Variants in MTR observed in about 807,000 individuals in gnomAD.
MTR encodes methionine synthase.
A neutral mutation model predicts 154.8 loss-of-function variants in MTR; 84 were observed. The ratio of observed to expected loss-of-function variants is 0.54; its 90% CI spans 0.45 to 0.65. The LOEUF is 0.65. Ranked by LOEUF, MTR falls within the 30% of genes least tolerant of loss-of-function variation. MTR has a pLI of 0.00. For synonymous variants in MTR, 554 were observed against 553.9 expected (o/e 1.00, Z 0.00); for missense variants, 1,275 against 1,570.2 (o/e 0.81, Z 3.18).
chr1:236,867,196 G>T (rs2385569), intron 22 of MTR, among the ~76,000 whole-genome samples: 97,617 of 152,004 alleles, frequency 0.64, 31,594 homozygotes, highest in South Asian at 0.7. Context: ...TGACTCTCTT[G>T]TGGAGGGGCT....
At chr1:236,872,513 C>T (rs1475170567) in intron 22 of MTR, among the ~76,000 whole-genome samples, 7 of 152,144 alleles carry the variant, frequency 4.6e-5, no homozygotes, top group Admixed American at 3.3e-4. Flanking sequence ...ACTTCCCTAG[C>T]CCTTTTTATT....
chr1:236,799,988 G>A (rs1660619394), intron 1 of MTR: 1 of 911,908 alleles, frequency 1.1e-6, no homozygotes, highest in Non-Finnish European at 1.3e-6. Context: ...GAATTTGCAT[G>A]TGTGGGGCTG....
chr1:236,888,346 G>A (rs1355253426), intron 27 of MTR, among the ~76,000 whole-genome samples: 1 of 152,210 alleles, frequency 6.6e-6, no homozygotes, highest in Non-Finnish European at 1.5e-5. Flanking sequence ...TGGCAGTGCT[G>A]CTCTACCTGC....
intron 15 of MTR, among the ~76,000 whole-genome samples, chr1:236,848,043 T>C (rs1248137124): frequency 1.3e-5 from 2 of 152,208 alleles, no homozygotes; most frequent in Non-Finnish European, 2.9e-5. Flanking sequence ...CATTGTTTAA[T>C]CAAGTGACAG....
At chr1:236,876,875 T>C (rs1572314780) in intron 24 of MTR, among the ~76,000 whole-genome samples, 1 of 152,310 alleles carries the variant, frequency 6.6e-6, no homozygotes, top group South Asian at 2.1e-4. Context: ...ATATCTATTC[T>C]CATTGTCTGG....
At chr1:236,847,860 AACT>A (rs1663673639) in intron 15 of MTR, among the ~76,000 whole-genome samples, 1 of 152,178 alleles carries the variant, frequency 6.6e-6, no homozygotes, top group African/African-American at 2.4e-5. Context: ...TGTTTTACTG[AACT>A]TCTATTCTGG....
At chr1:236,861,822 ATCTT>A (rs1303988697) in intron 20 of MTR, among the ~76,000 whole-genome samples, 8 of 152,226 alleles carry the variant, frequency 5.3e-5, no homozygotes, top group Non-Finnish European at 8.8e-5. Flanking sequence ...AAAGGCCTTC[ATCTT>A]GCCTTAATGT....
At chr1:236,838,943 T>C (rs548060207) in intron 15 of MTR, among the ~76,000 whole-genome samples, 2 of 152,350 alleles carry the variant, frequency 1.3e-5, no homozygotes, top group Admixed American at 1.3e-4. Context: ...TATAGCATGT[T>C]ACCGTACTGA....
chr1:236,836,208 A>T (rs944055839), intron 14 of MTR, among the ~76,000 whole-genome samples: 1 of 150,576 alleles, frequency 6.6e-6, no homozygotes, highest in Non-Finnish European at 1.5e-5. Flanking sequence ...TTCTAAAATT[A>T]AAAAAAAAAT....
intron 13 of MTR, among the ~76,000 whole-genome samples, chr1:236,832,502 T>C (rs892520474): frequency 1.3e-5 from 2 of 152,208 alleles, no homozygotes; most frequent in Non-Finnish European, 2.9e-5. Context: ...TCTTGTTAGC[T>C]GTAGACTAAA....
At chr1:236,880,929 G>T (rs1271018196) in intron 25 of MTR, 93 bp downstream of exon 25, 1 of 1,274,110 alleles carries the variant, frequency 7.8e-7, no homozygotes, top group Non-Finnish European at 1.1e-6. Context: ...TTTTTATTCA[G>T]TTCTACTAAA....
At chr1:236,796,521 A>T (rs945764746) in intron 1 of MTR, among the ~76,000 whole-genome samples, 1 of 152,190 alleles carries the variant, frequency 6.6e-6, no homozygotes, top group Non-Finnish European at 1.5e-5. Context: ...ATCCTATCAC[A>T]TAGTGGGGAT....
At chr1:236,820,332 T>C in intron 8 of MTR, 2 of 754,580 alleles carry the variant, frequency 2.7e-6, no homozygotes, top group Non-Finnish European at 4.8e-6. Flanking sequence ...AATGGACTGC[T>C]CCAGCTCCCG....
At chr1:236,878,692 C>T (rs757708201) in intron 24 of MTR, among the ~76,000 whole-genome samples, 3 of 152,094 alleles carry the variant, frequency 2.0e-5, no homozygotes, top group Non-Finnish European at 4.4e-5. Flanking sequence ...TCCTGAGCTG[C>T]ATGTTGGACA....
intron 21 of MTR, among the ~76,000 whole-genome samples, chr1:236,862,683 G>T (rs192793770): frequency 6.6e-6 from 1 of 152,282 alleles, no homozygotes. Flanking sequence ...TCACTCAAAG[G>T]TCTGTCCCCG....
intron 12 of MTR, 94 bp downstream of exon 12, chr1:236,829,362 C>A: frequency 9.7e-7 from 1 of 1,027,494 alleles, no homozygotes; most frequent in Non-Finnish European, 1.5e-6. Context: ...AGGCAGCTTG[C>A]TTATTAGGTC....
intron 15 of MTR, among the ~76,000 whole-genome samples, chr1:236,842,059 T>G (rs1440395380): frequency 6.6e-6 from 1 of 152,128 alleles, no homozygotes; most frequent in African/African-American, 2.4e-5. Flanking sequence ...ACTCGGCTAA[T>G]TTTTTGTATT....
In MTR at chr1:236,894,582, G is replaced by A. The variant is rs2297964; in HGVS notation, c.3405+25G>A. ...GGTAAGGCAGAGGCATTGCGCCGAG[G>A]GGCTGAGGACAGAGGCCAGGCAGTA... is the stretch of plus-strand genomic sequence containing the variant. On this transcript the variant is annotated intron_variant, in intron 30 of 32. Coordinates refer to ENST00000366577, the MANE Select transcript of MTR (RefSeq NM_000254.3). 0.029 allele frequency: 46,835 copies of A among 1,613,324 alleles called. 1,856 individuals carry two copies. Among genetic ancestry groups the A allele is most frequent in the African/African-American group, 0.13 (10,012 of 74,970 alleles).
At chr1:236,821,523 A>G (rs1047191973) in intron 8 of MTR, among the ~76,000 whole-genome samples, 1 of 152,150 alleles carries the variant, frequency 6.6e-6, no homozygotes, top group African/African-American at 2.4e-5. Flanking sequence ...TTGTCTTCTC[A>G]TGTACTTAAT....
Sources: gnomAD v4.1 joint callset for allele counts (sites outside exome capture counted in the v4.1 genomes callset) on GRCh38, gnomAD v4.1.1 for gene constraint, MANE v1.5 for transcripts, NCBI Gene and HGNC (gene_info 2026-07-23, HGNC 2026-07-21) for gene names.